Variants in CACNA1G observed in about 807,000 individuals in gnomAD.
CACNA1G encodes the protein voltage-dependent T-type calcium channel subunit alpha-1G.
CACNA1G carries 67 observed loss-of-function variants against 219.4 expected under a neutral mutation model. The observed-to-expected ratio is 0.31, with a 90% confidence interval of 0.25 to 0.37. The LOEUF is 0.37. CACNA1G is among the 10% of genes least tolerant of loss of function. CACNA1G has a pLI of 1.00. For missense variants in CACNA1G, 2,380 were observed against 3,231.4 expected (o/e 0.74, Z 6.39); for synonymous variants, 1,296 against 1,345.3 (o/e 0.96, Z 0.80).
chr17:50,573,014 C>T lies in CACNA1G; in HGVS notation c.1048-7C>T. The T allele has an allele frequency of 6.3e-7, 1 of 1,576,616 alleles. No homozygotes were observed. The highest frequency in any genetic ancestry group is 1.2e-5 in the South Asian group (1 of 86,586). ...CCATAGTCAGCCTGCCCCTCTGCAC[C>T]CCCTAGGTCATCACGCTGGAGGGCT... On this transcript the variant is annotated splice_region_variant and splice_polypyrimidine_tract_variant and intron_variant, in intron 6 of 37. Transcript: ENST00000359106.
At chr17:50,569,127 C>G in intron 2 of CACNA1G, 38 bp from the exon 3 acceptor site, 2 of 1,606,316 alleles carry the variant, frequency 1.2e-6, no homozygotes, top group Non-Finnish European at 1.7e-6. Context: ...TTCCCTCACC[C>G]ACGTCTCAGT....
intron 13 of CACNA1G, among the ~76,000 whole-genome samples, chr17:50,594,501 G>A (rs1437535896): frequency 6.6e-6 from 1 of 152,170 alleles, no homozygotes; most frequent in African/African-American, 2.4e-5. Context: ...CCGAACCGGT[G>A]AGAGGAGAGT....
Position 50,624,424 on chromosome 17 carries a change from T to C in CACNA1G, c.6294T>C (p.Asp2098=). 6.3e-7 allele frequency: 1 copy of C among 1,579,520 alleles called. No homozygotes were observed. The highest frequency in any genetic ancestry group is 8.6e-7 in the Non-Finnish European group (1 of 1,162,314). ...DTSYILQLPK[D]APHLLQPHSA... Reference sequence around the variant, plus strand: ...GCTACATCCTGCAGCTTCCCAAAGATGCACCTCATCTGCTCCAGCCCCACA... The same window carrying C: ...GCTACATCCTGCAGCTTCCCAAAGACGCACCTCATCTGCTCCAGCCCCACA... Residue 2098 remains aspartate, a synonymous_variant, in exon 37 of 38, where the codon GAT becomes GAC. Transcript: ENST00000359106.
At chr17:50,594,810 G>A (rs1224903856) in intron 13 of CACNA1G, among the ~76,000 whole-genome samples, 183 bp from the exon 14 acceptor site, 1 of 152,172 alleles carries the variant, frequency 6.6e-6, no homozygotes, top group Non-Finnish European at 1.5e-5. Context: ...CTGAGGGCCT[G>A]TAGTTGAATT....
chr17:50,621,621 C>T lies in CACNA1G; in HGVS notation c.5926-39C>T, dbSNP rs1339152722. The T allele has an allele frequency of 1.9e-6, 3 of 1,608,850 alleles. No individual in the cohort carries two copies. The highest frequency in any genetic ancestry group is 2.6e-6 in the Non-Finnish European group (3 of 1,176,432). On this transcript the variant is annotated intron_variant, in intron 34 of 37. Transcript: ENST00000359106. The surrounding 1 kb of genome is among the most constrained non-coding windows in gnomAD (Gnocchi z 4.6). Reference sequence around the variant, plus strand: ...GCGTGTGCACGCGCGTGTGCGCTGTCCTGGTTTCTCATGCCTGATCATCTC... The same window carrying T: ...GCGTGTGCACGCGCGTGTGCGCTGTTCTGGTTTCTCATGCCTGATCATCTC...
rs2035413324 is a variant in CACNA1G at position 50,560,872 on chromosome 17, C to T, written c.-588C>T. 6.6e-6 allele frequency among the ~76,000 whole-genome samples: 1 copy of T among 152,030 alleles called. No individual in the cohort carries two copies. The highest frequency in any genetic ancestry group is 6.5e-5 in the Admixed American group (1 of 15,284). On this transcript the variant is annotated 5_prime_UTR_variant, in exon 1 of 38. Transcript: ENST00000359106. ...CACTCCCGCCCGGGACTGCCCCCCA[C>T]TGTCTCCCCGCCCCTCCCGGACAGT...
intron 23 of CACNA1G, 150 bp downstream of exon 23, chr17:50,606,173 C>T (rs532445310): frequency 1.2e-4 from 133 of 1,135,376 alleles, no homozygotes; most frequent in Middle Eastern, 1.9e-4. Context: ...ACCAGCATGT[C>T]GCAAAGCCCA....
rs1293185187 is a variant in CACNA1G at position 50,621,664 on chromosome 17, C to T, written c.5930C>T (p.Pro1977Leu). The change falls in exon 35 of 38, where the codon CCT becomes CTT. Residue 1977 changes from proline to leucine, a missense_variant. By Grantham distance (98) the Pro-to-Leu change is moderately conservative (BLOSUM62 -3). Transcript: ENST00000359106. The surrounding 1 kb of genome is among the most constrained non-coding windows in gnomAD (Gnocchi z 4.6). ...PSLGGSDPQI[P>L]LAEMEALSLT... ...ATCATCTCTCTCCCTGTCTAGATCC[C>T]TCTAGCTGAGATGGAGGCTCTGTCT... The T allele has an allele frequency of 6.2e-7, 1 of 1,613,964 alleles. No individual in the cohort carries two copies. Among genetic ancestry groups the T allele is most frequent in the East Asian group, 2.2e-5 (1 of 44,878 alleles).
At chr17:50,609,450 T>C (rs891975625) in intron 25 of CACNA1G, among the ~76,000 whole-genome samples, 1 of 152,188 alleles carries the variant, frequency 6.6e-6, no homozygotes, top group African/African-American at 2.4e-5. Context: ...GTGTCCCCTG[T>C]GGCCACCGTC....
At chr17:50,623,868 A>G (rs375607218) in intron 35 of CACNA1G, 39 bp from the exon 36 acceptor site, 65 of 1,587,456 alleles carry the variant, frequency 4.1e-5, no homozygotes, top group Non-Finnish European at 5.5e-5. Flanking sequence ...ACCCACGCAC[A>G]CCCTCTTCCT....
chr17:50,560,904 G>C lies in CACNA1G; in HGVS notation c.-556G>C, dbSNP rs1367142466. 6.6e-6 allele frequency among the ~76,000 whole-genome samples: 1 copy of C among 150,686 alleles called. No individual in the cohort carries two copies. Among genetic ancestry groups the C allele is most frequent in the Admixed American group, 6.6e-5 (1 of 15,210 alleles). On this transcript the variant is annotated 5_prime_UTR_variant, in exon 1 of 38. Coordinates refer to ENST00000359106, the MANE Select transcript of CACNA1G (RefSeq NM_018896.5). ...CCCGCCCCTCCCGGACAGTGAGCCCGCGGCGGGGCGGGGGAAGGAGCCGCC... is the reference window on the plus strand; with the variant it reads ...CCCGCCCCTCCCGGACAGTGAGCCCCCGGCGGGGCGGGGGAAGGAGCCGCC...
chr17:50,610,730 C>T (rs2049021468), intron 26 of CACNA1G, among the ~76,000 whole-genome samples: 1 of 152,176 alleles, frequency 6.6e-6, no homozygotes, highest in Non-Finnish European at 1.5e-5. Flanking sequence ...TCTCCTCCAA[C>T]AGACTTCACA....
At chr17:50,608,991 GTCTC>G (rs1349353824) in intron 25 of CACNA1G, among the ~76,000 whole-genome samples, 2 of 152,186 alleles carry the variant, frequency 1.3e-5, no homozygotes, top group African/African-American at 4.8e-5. Context: ...CTGTCTGTGT[GTCTC>G]TCTCTGTTTG....
intron 26 of CACNA1G, among the ~76,000 whole-genome samples, chr17:50,611,590 G>T (rs909862718): frequency 1.3e-5 from 2 of 152,156 alleles, no homozygotes; most frequent in Non-Finnish European, 2.9e-5. Context: ...GGATTGCCAG[G>T]GTCCCCACAT....
intron 35 of CACNA1G, among the ~76,000 whole-genome samples, chr17:50,622,209 C>T (rs1830683033): frequency 7.2e-6 from 1 of 138,574 alleles, no homozygotes. Context: ...AACATGAGAC[C>T]TTCACACCAC....
chr17:50,606,169 A>G, intron 23 of CACNA1G, 146 bp downstream of exon 23: 1 of 1,182,984 alleles, frequency 8.5e-7, no homozygotes, highest in Non-Finnish European at 1.3e-6. Context: ...AACCACCAGC[A>G]TGTCGCAAAG....
At position 50,626,511 on chromosome 17, in the gene CACNA1G, T is replaced by G; in HGVS notation, c.6894T>G (p.Pro2298=). 1 of 1,576,162 alleles carries G rather than the reference T, an allele frequency of 6.3e-7. No individual in the cohort carries two copies. Among genetic ancestry groups the G allele is most frequent in the Non-Finnish European group, 8.6e-7 (1 of 1,163,110 alleles). The change falls in exon 38 of 38, where the codon CCT becomes CCG. Residue 2298 remains proline (P), a synonymous_variant. Coordinates refer to ENST00000359106, the MANE Select transcript of CACNA1G (RefSeq NM_018896.5). This position sits in a 1 kb window ranked among gnomAD's most constrained non-coding sequence, Gnocchi z 4.3. The stretch of plus-strand genomic sequence containing the variant: ...TTGGGGGCCAGCCTCTTGGGGGGCC[T>G]GGGAGCCGGCCCAAGAAAAAACTCA... ...SNLGGQPLGG[P]GSRPKKKLSP...
intron 9 of CACNA1G, among the ~76,000 whole-genome samples, chr17:50,585,445 C>T (rs1420551403): frequency 6.6e-6 from 1 of 152,162 alleles, no homozygotes; most frequent in East Asian, 1.9e-4. Flanking sequence ...AATATCATGT[C>T]ACCTACACCC....
intron 35 of CACNA1G, 150 bp from the exon 36 acceptor site, chr17:50,623,757 A>C (rs2052857610): frequency 2.7e-6 from 2 of 751,446 alleles, no homozygotes; most frequent in East Asian, 5.5e-5. Context: ...CTCCCCAGCC[A>C]TGCTCATGCC....
Sources: gnomAD v4.1 joint callset for allele counts (sites outside exome capture counted in the v4.1 genomes callset) on GRCh38, gnomAD v4.1.1 for gene constraint, Gnocchi (gnomAD v3.1) non-coding constraint, MANE v1.5 for transcripts, NCBI Gene and HGNC (gene_info 2026-07-23, HGNC 2026-07-21) for gene names.